Variants in ZNF385B observed in about 807,000 individuals in gnomAD.
ZNF385B encodes the protein zinc finger protein 533.
ZNF385B carries 23 observed loss-of-function variants against 39.2 expected under a neutral mutation model. That is an observed-to-expected ratio of 0.59 (90% CI 0.42 to 0.83). ZNF385B has a LOEUF of 0.83. Ranked by LOEUF, ZNF385B falls within the 40% of genes least tolerant of loss-of-function variation. The pLI, the probability that ZNF385B is intolerant of heterozygous loss-of-function variation, is 0.00. For missense variants in ZNF385B, 552 were observed against 598.9 expected, an observed-to-expected ratio of 0.92 and a Z score of 0.82; for synonymous variants, 205 against 222.6, an observed-to-expected ratio of 0.92 and a Z score of 0.70.
chr2:179,822,653 G>T (rs1328560439), intron 1 of ZNF385B, among the ~76,000 whole-genome samples: 1 of 152,132 alleles, frequency 6.6e-6, no homozygotes, highest in African/African-American at 2.4e-5. Context: ...AGGCTGGCAT[G>T]TGTTTACCAT....
chr2:179,748,162 G>A (rs762659675), intron 3 of ZNF385B, among the ~76,000 whole-genome samples: 1 of 151,974 alleles, frequency 6.6e-6, no homozygotes, highest in Non-Finnish European at 1.5e-5. Flanking sequence ...ATGAGGGAAG[G>A]TGCTGTTAAG....
intron 3 of ZNF385B, chr2:179,575,972 T>C (rs1358721844): frequency 1.2e-5 from 2 of 168,344 alleles, no homozygotes; most frequent in Non-Finnish European, 2.4e-5. Flanking sequence ...AATGATAATA[T>C]GTTGCATAAA....
chr2:179,455,879 CAAAAAAA>C (rs58336646), intron 6 of ZNF385B, among the ~76,000 whole-genome samples: 6 of 123,886 alleles, frequency 4.8e-5, no homozygotes, highest in African/African-American at 8.8e-5. Flanking sequence ...GACTGCATCT[CAAAAAAA>C]AAAAAAAAAA....
chr2:179,570,063 C>T (rs895432764), intron 3 of ZNF385B, among the ~76,000 whole-genome samples: 1 of 152,176 alleles, frequency 6.6e-6, no homozygotes, highest in African/African-American at 2.4e-5. Context: ...CACTTCTCTG[C>T]TCCTCAGCTG....
intron 3 of ZNF385B, among the ~76,000 whole-genome samples, chr2:179,618,407 T>A (rs80141158): frequency 0.025 from 3,846 of 152,136 alleles, 177 homozygotes; most frequent in African/African-American, 0.089. Context: ...TTATTCATAT[T>A]CATAACTCCT....
chr2:179,748,806 T>C (rs540006641), intron 3 of ZNF385B, among the ~76,000 whole-genome samples: 5 of 152,244 alleles, frequency 3.3e-5, no homozygotes, highest in Non-Finnish European at 7.4e-5. Flanking sequence ...TAGCAGAGCA[T>C]TGACACTACA....
intron 1 of ZNF385B, among the ~76,000 whole-genome samples, chr2:179,855,244 C>T (rs1274063124): frequency 6.6e-6 from 1 of 152,152 alleles, no homozygotes; most frequent in African/African-American, 2.4e-5. Flanking sequence ...TTAGCTTTTG[C>T]CTGCATAGCA....
At chr2:179,632,916 T>C (rs906146082) in intron 3 of ZNF385B, among the ~76,000 whole-genome samples, 1 of 152,210 alleles carries the variant, frequency 6.6e-6, no homozygotes, top group Non-Finnish European at 1.5e-5. Flanking sequence ...CAGAGAATAC[T>C]ATAAACACCT....
At chr2:179,773,052 G>A (rs541138502) in intron 1 of ZNF385B, among the ~76,000 whole-genome samples, 28 of 152,280 alleles carry the variant, frequency 1.8e-4, no homozygotes, top group Middle Eastern at 3.4e-3. Context: ...GGACAGTCAG[G>A]GAATTTCCAC....
At chr2:179,829,437 A>G (rs1405738183) in intron 1 of ZNF385B, among the ~76,000 whole-genome samples, 6 of 152,264 alleles carry the variant, frequency 3.9e-5, no homozygotes, top group Admixed American at 3.9e-4. Flanking sequence ...ATAGAAGTAA[A>G]TGTAAATCAC....
intron 3 of ZNF385B, among the ~76,000 whole-genome samples, chr2:179,624,997 T>A (rs1482184503): frequency 1.3e-5 from 2 of 152,324 alleles, no homozygotes; most frequent in South Asian, 4.1e-4. Flanking sequence ...GGCAAAAGAT[T>A]CTATACTGGA....
At position 179,714,942 on chromosome 2, in the gene ZNF385B, C is replaced by CAAAAAAAA. The variant is rs34449760; in HGVS notation, c.298+54553_298+54560dup. On this transcript the variant is annotated intron_variant, in intron 3 of 9. Transcript: ENST00000410066. ...TGGGTAACAAAGCGAGATTCTATCT[C>CAAAAAAAA]AAAAAAAAAAAAAAAAAAACAGTTT... is the stretch of plus-strand genomic sequence containing the variant. Among the ~76,000 whole-genome samples the CAAAAAAAA allele has an allele frequency of 1.5e-4, 12 of 79,242 alleles. No individual in the cohort carries two copies. The East Asian group carries it at 3.2e-3, about 21-fold the overall frequency. 52.0% of individuals were successfully genotyped at this position (79,242 alleles called of 152,430 possible).
chr2:179,482,195 C>T (rs1488599310), intron 6 of ZNF385B, among the ~76,000 whole-genome samples: 1 of 152,180 alleles, frequency 6.6e-6, no homozygotes, highest in Non-Finnish European at 1.5e-5. Flanking sequence ...ATTTTCTGAA[C>T]CTTCCTCTTA....
At chr2:179,578,858 GA>G (rs1335775260) in intron 3 of ZNF385B, among the ~76,000 whole-genome samples, 7 of 151,996 alleles carry the variant, frequency 4.6e-5, no homozygotes, top group Non-Finnish European at 7.4e-5. Flanking sequence ...TTCTACCTGA[GA>G]AAAGCTTATT....
At chr2:179,719,816 T>C (rs1700567544) in intron 3 of ZNF385B, among the ~76,000 whole-genome samples, 1 of 152,230 alleles carries the variant, frequency 6.6e-6, no homozygotes, top group Non-Finnish European at 1.5e-5. Context: ...CAGGCTACTC[T>C]ACATAAGGAA....
At chr2:179,763,939 C>T (rs1239271126) in intron 3 of ZNF385B, among the ~76,000 whole-genome samples, 2 of 152,094 alleles carry the variant, frequency 1.3e-5, no homozygotes, top group East Asian at 1.9e-4. Flanking sequence ...TAGTGTTATA[C>T]TGTTATTGAG....
intron 3 of ZNF385B, among the ~76,000 whole-genome samples, chr2:179,682,631 G>C (rs564424862): frequency 6.6e-6 from 1 of 152,302 alleles, no homozygotes; most frequent in Admixed American, 6.5e-5. Flanking sequence ...GTTTGTGATA[G>C]TTTCACTGAG....
chr2:179,577,470 G>A (rs1685969327), intron 3 of ZNF385B, among the ~76,000 whole-genome samples: 1 of 151,980 alleles, frequency 6.6e-6, no homozygotes, highest in South Asian at 2.1e-4. Context: ...ACCCATTATT[G>A]TAATTCTCTA....
At chr2:179,500,584 TA>T (rs1163369887) in intron 5 of ZNF385B, among the ~76,000 whole-genome samples, 3 of 152,034 alleles carry the variant, frequency 2.0e-5, no homozygotes, top group African/African-American at 7.2e-5. Context: ...TTGCCATATA[TA>T]AAAATGAAAT....
Sources: allele counts gnomAD v4.1 joint callset (sites outside exome capture counted in the v4.1 genomes callset), GRCh38; gene constraint gnomAD v4.1.1; transcripts MANE v1.5; gene names NCBI Gene and HGNC (gene_info 2026-07-23, HGNC 2026-07-21).